PRKAG2: variants seen among roughly 807,000 people sequenced by gnomAD.
The protein encoded by PRKAG2 is protein kinase AMP-activated non-catalytic subunit gamma 2.
Under a neutral mutation model 69.6 loss-of-function variants are expected in PRKAG2, and 26 were observed. The observed-to-expected ratio is 0.37, with a 90% CI of 0.27 to 0.52. The LOEUF (loss-of-function observed/expected upper bound fraction) is 0.52. PRKAG2 is among the 20% of genes least tolerant of loss of function. The pLI is 0.90. For missense variants in PRKAG2, 557 were observed against 740.0 expected, an observed-to-expected ratio of 0.75 and a Z score of 2.87; for synonymous variants, 293 against 285.0, an observed-to-expected ratio of 1.03 and a Z score of -0.28.
At chr7:151,848,510 G>A (rs546441915) in intron 1 of PRKAG2, among the ~76,000 whole-genome samples, 2 of 84,028 alleles carry the variant, frequency 2.4e-5, no homozygotes, top group Non-Finnish European at 2.3e-5. Flanking sequence ...AATACTGCAT[G>A]TCTTTTTTTT....
At chr7:151,664,716 A>T (rs1230586242) in intron 4 of PRKAG2, among the ~76,000 whole-genome samples, 1 of 152,168 alleles carries the variant, frequency 6.6e-6, no homozygotes, top group Admixed American at 6.5e-5. Context: ...AAAGATAATC[A>T]CGGTGCACTC....
chr7:151,661,009 T>TTCTG (rs1830226564), intron 4 of PRKAG2, among the ~76,000 whole-genome samples: 1 of 152,214 alleles, frequency 6.6e-6, no homozygotes, highest in African/African-American at 2.4e-5. Flanking sequence ...CAGAACTTCT[T>TTCTG]CATCTTACAG....
intron 4 of PRKAG2, among the ~76,000 whole-genome samples, chr7:151,633,619 A>G (rs1278774849): frequency 6.6e-6 from 1 of 152,110 alleles, no homozygotes; most frequent in Non-Finnish European, 1.5e-5. Context: ...AACAATGAAC[A>G]CATGGAAAAA....
chr7:151,691,165 G>C (rs1047618058), intron 3 of PRKAG2, among the ~76,000 whole-genome samples: 3 of 152,048 alleles, frequency 2.0e-5, no homozygotes, highest in Non-Finnish European at 4.4e-5. Context: ...GGTGTAATAC[G>C]TGCATATGAC....
intron 1 of PRKAG2, among the ~76,000 whole-genome samples, chr7:151,815,273 T>G (rs2078608192): frequency 6.6e-6 from 1 of 152,188 alleles, no homozygotes; most frequent in Non-Finnish European, 1.5e-5. Flanking sequence ...TGATTTTCTG[T>G]ATTCTGATGC....
chr7:151,568,578 G>A (rs1266497963), intron 11 of PRKAG2, 138 bp downstream of exon 11: 2 of 889,116 alleles, frequency 2.2e-6, no homozygotes, highest in Non-Finnish European at 3.5e-6. Flanking sequence ...GTAGTAAGTT[G>A]AGAAACTGAA....
intron 3 of PRKAG2, among the ~76,000 whole-genome samples, chr7:151,765,402 C>T (rs1051454356): frequency 5.9e-5 from 9 of 152,204 alleles, no homozygotes; most frequent in Admixed American, 3.3e-4. Flanking sequence ...AATCACCTCC[C>T]ACCAGGCCCC....
At chr7:151,851,225 G>A (rs1375407488) in intron 1 of PRKAG2, among the ~76,000 whole-genome samples, 1 of 151,960 alleles carries the variant, frequency 6.6e-6, no homozygotes, top group African/African-American at 2.4e-5. Flanking sequence ...GCTGGGAGAG[G>A]CCAAAACCAC....
intron 3 of PRKAG2, among the ~76,000 whole-genome samples, chr7:151,685,334 T>A (rs1191254657): frequency 6.6e-6 from 1 of 152,224 alleles, no homozygotes; most frequent in Non-Finnish European, 1.5e-5. Flanking sequence ...CATGCTCAGC[T>A]TCTCTTTGAG....
chr7:151,565,574 C>A, intron 12 of PRKAG2, 146 bp downstream of exon 12: 1 of 1,161,522 alleles, frequency 8.6e-7, no homozygotes, highest in Non-Finnish European at 1.2e-6. Flanking sequence ...ACTTTTTTTA[C>A]GATCCTGCGT....
intron 1 of PRKAG2, among the ~76,000 whole-genome samples, chr7:151,860,967 C>T (rs375550728): frequency 3.3e-5 from 5 of 152,070 alleles, no homozygotes; most frequent in African/African-American, 9.7e-5. Flanking sequence ...GATTTCTGCC[C>T]GCCACCTCAA....
chr7:151,699,965 C>T lies in PRKAG2; in HGVS notation c.467-24328G>A, dbSNP rs1837401648. ...GGGTGCCCCCACATTGCAGAAACAG[C>T]CTCAACAGGAGCCTTGTGTACCTGC... On this transcript the variant is annotated intron_variant, in intron 3 of 15. Transcript: ENST00000287878. This position sits in a 1 kb window ranked among gnomAD's most constrained non-coding sequence, Gnocchi z 4.5. 6.6e-6 allele frequency among the ~76,000 whole-genome samples: 1 copy of T among 152,170 alleles called. No individual in the cohort carries two copies. Among genetic ancestry groups the T allele is most frequent in the Admixed American group, 6.5e-5 (1 of 15,272 alleles).
At chr7:151,564,746 G>C (rs935275380) in intron 13 of PRKAG2, among the ~76,000 whole-genome samples, 1 of 151,772 alleles carries the variant, frequency 6.6e-6, no homozygotes, top group African/African-American at 2.4e-5. Flanking sequence ...GCTTCATGGG[G>C]CTCTCATTCA....
At chr7:151,703,887 CACACACACACACACACACACACAA>C (rs1259713698) in intron 3 of PRKAG2, among the ~76,000 whole-genome samples, 43 of 142,728 alleles carry the variant, frequency 3.0e-4, no homozygotes, top group African/African-American at 9.9e-4. Flanking sequence ...CACACACACA[CACACACACACACACACACACACAA>C]ATTAGCTAGG....
At chr7:151,830,378 G>A (rs1157404230) in intron 1 of PRKAG2, among the ~76,000 whole-genome samples, 1 of 151,944 alleles carries the variant, frequency 6.6e-6, no homozygotes, top group East Asian at 1.9e-4. Flanking sequence ...TTCCTCTCCA[G>A]GGCGCCCTGA....
chr7:151,857,341 A>T (rs2079808847), intron 1 of PRKAG2, among the ~76,000 whole-genome samples: 1 of 147,064 alleles, frequency 6.8e-6, no homozygotes, highest in African/African-American at 2.5e-5. Flanking sequence ...GCCGATGCCC[A>T]GGTCCGCCTG....
At chr7:151,655,730 C>T (rs966845075) in intron 4 of PRKAG2, among the ~76,000 whole-genome samples, 6 of 152,124 alleles carry the variant, frequency 3.9e-5, no homozygotes, top group Non-Finnish European at 7.4e-5. Context: ...TGAAGCTGCT[C>T]GTGCCTCAGT....
chr7:151,673,224 C>T (rs951765500), intron 4 of PRKAG2, among the ~76,000 whole-genome samples: 2 of 152,158 alleles, frequency 1.3e-5, no homozygotes, highest in East Asian at 3.8e-4. Flanking sequence ...TCAAATAAAT[C>T]GTGGTTTTCT....
chr7:151,826,056 C>T (rs1042399241), intron 1 of PRKAG2, among the ~76,000 whole-genome samples: 1 of 152,192 alleles, frequency 6.6e-6, no homozygotes, highest in Non-Finnish European at 1.5e-5. Context: ...GTCACCCTAA[C>T]AGGTAGAGTA....
Sources: gnomAD v4.1 joint callset for allele counts (sites outside exome capture counted in the v4.1 genomes callset) on GRCh38, gnomAD v4.1.1 for gene constraint, Gnocchi (gnomAD v3.1) non-coding constraint, MANE v1.5 for transcripts, NCBI Gene and HGNC (gene_info 2026-07-23, HGNC 2026-07-21) for gene names.